IL17RA: variants seen among roughly 807,000 people sequenced by gnomAD.
IL17RA encodes the protein interleukin 17 receptor A.
IL17RA carries 34 observed loss-of-function variants against 50.4 expected under a neutral mutation model. The observed-to-expected ratio is 0.67, with a 90% CI of 0.51 to 0.90. The LOEUF (loss-of-function observed/expected upper bound fraction) is 0.90. Among genes scored for constraint, IL17RA ranks in the 40% least tolerant of loss-of-function variants. The pLI is 0.00. For synonymous variants in IL17RA, 585 were observed against 510.4 expected, an observed-to-expected ratio of 1.15 and a Z score of -1.97; for missense variants, 1,276 against 1,169.8, an observed-to-expected ratio of 1.09 and a Z score of -1.32.
chr22:17,097,172 T>C, intron 2 of IL17RA, 86 bp downstream of exon 2: 1 of 1,312,758 alleles, frequency 7.6e-7, no homozygotes, highest in Non-Finnish European at 1.1e-6. Context: ...AGTCTTGCCA[T>C]GCCACTCCAG....
Position 17,113,686 on chromosome 22 carries a change from G to A in IL17RA, c.*3866G>A, listed in dbSNP as rs2061454991. The A allele has an allele frequency of 1.3e-5, 2 of 152,364 alleles. No homozygotes were observed. Among genetic ancestry groups the A allele is most frequent in the African/African-American group, 2.4e-5 (1 of 41,576 alleles). The allele number at this position is 152,364 out of a possible 1,614,324, so 9.4% of individuals were successfully genotyped here. On this transcript the variant is annotated 3_prime_UTR_variant, in exon 13 of 13. Transcript: ENST00000319363. ...GCCAGCTGGGACTCCAGCAAGGCCC[G>A]GGGCACCTGAGGACAGAGTGAGATG...
At position 17,107,757 on chromosome 22, in the gene IL17RA, C is replaced by G. The variant is rs745404600; in HGVS notation, c.1076C>G (p.Thr359Ser). Residue 359 changes from threonine to serine, a missense_variant, in exon 12 of 13, where the codon ACC (threonine) becomes AGC (serine). By Grantham distance (58) the Thr-to-Ser change is moderately conservative. Transcript: ENST00000319363. Reference sequence around the variant, plus strand: ...GGAAGTGAAAAATACAGTGATGACACCAAATACACCGGTCAGTATTTCCTG... The same window carrying G: ...GGAAGTGAAAAATACAGTGATGACAGCAAATACACCGGTCAGTATTTCCTG... ...GPGSEKYSDD[T>S]KYTDGLPAAD... The G allele has an allele frequency of 3.7e-6, 6 of 1,613,552 alleles. No individual in the cohort carries two copies. The highest frequency in any genetic ancestry group is 5.1e-6 in the Non-Finnish European group (6 of 1,179,552).
rs2061448523 is a variant in IL17RA, at chr22:17,112,703, G to A, written c.*2883G>A. 5 of 152,186 alleles carry A rather than the reference G, an allele frequency of 3.3e-5. No individual in the cohort carries two copies. Among genetic ancestry groups the A allele is most frequent in the Admixed American group, 3.3e-4 (5 of 15,272 alleles). 9.4% of individuals were successfully genotyped at this position (152,186 alleles called of 1,614,324 possible). A position where few individuals can be genotyped will look rare whatever the true frequency, so the allele number is the denominator to read the frequency against. On this transcript the variant is annotated 3_prime_UTR_variant, in exon 13 of 13. Coordinates refer to ENST00000319363, the MANE Select transcript of IL17RA (RefSeq NM_014339.7). ...CCGCTGAATGCCAAGAGCTTCAAGA[G>A]TGTGTGTAAATAAAGCCACACCTTT...
Position 17,099,806 on chromosome 22 carries a change from A to G in IL17RA, c.424-549A>G, listed in dbSNP as rs147445523. Among the ~76,000 whole-genome samples the G allele has an allele frequency of 9.2e-5, 14 of 152,338 alleles. No individual in the cohort carries two copies. The East Asian group carries it at 2.1e-3, about 23-fold the overall frequency. On this transcript the variant is annotated intron_variant, in intron 4 of 12. Coordinates refer to ENST00000319363, the MANE Select transcript of IL17RA (RefSeq NM_014339.7). ...ATGTCTGTAATCTCTAACACCCAGA[A>G]AATAACTTAGCACAAATTCAAATAT...
At position 17,096,679 on chromosome 22, in the gene IL17RA, G is replaced by T. The variant is rs41500445; in HGVS notation, c.139-383G>T. On this transcript the variant is annotated intron_variant, in intron 1 of 12. Transcript: ENST00000319363. ...AGGTCAGGAGATCGAGATCATCCTG[G>T]CTAACACAGTGAAATCCCGTCTCTA... 9.6e-3 allele frequency among the ~76,000 whole-genome samples: 1,461 copies of T among 152,008 alleles called. 25 individuals are homozygous for T. Among genetic ancestry groups the T allele is most frequent in the African/African-American group, 0.034 (1,412 of 41,424 alleles).
chr22:17,094,691 C>CTCTCTCTCTCTATA (rs1448096911), intron 1 of IL17RA, among the ~76,000 whole-genome samples: 13 of 24,684 alleles, frequency 5.3e-4, no homozygotes, highest in African/African-American at 1.1e-3. Flanking sequence ...CTCTCTCTCT[C>CTCTCTCTCTCTATA]TATATATATA....
Position 17,113,106 on chromosome 22 carries a change from G to A in IL17RA, c.*3286G>A, listed in dbSNP as rs2061451526. The A allele has an allele frequency of 6.6e-6, 1 of 151,936 alleles. No homozygotes were observed. The allele number at this position is 151,936 out of a possible 1,614,324, so 9.4% of individuals were successfully genotyped here. The stretch of plus-strand genomic sequence containing the variant: ...TAGGGTCTAAAAAGGGTGGTGTTCG[G>A]TCTCTGAAACATCCATTCAGCAGTT... On this transcript the variant is annotated 3_prime_UTR_variant, in exon 13 of 13. Coordinates refer to ENST00000319363, the MANE Select transcript of IL17RA (RefSeq NM_014339.7).
chr22:17,105,468 T>C, intron 9 of IL17RA, 123 bp from the exon 10 acceptor site: 1 of 940,952 alleles, frequency 1.1e-6, no homozygotes, highest in South Asian at 1.3e-5. Flanking sequence ...TCAACCTGGA[T>C]CTAGAGTGCC....
chr22:17,090,610 A>C (rs2123791299), intron 1 of IL17RA, among the ~76,000 whole-genome samples: 1 of 152,190 alleles, frequency 6.6e-6, no homozygotes, highest in East Asian at 1.9e-4. Flanking sequence ...AAACATGCTT[A>C]TAGTGTTAAT....
In IL17RA at chr22:17,101,665, C is replaced by T. The variant is rs2061391860; in HGVS notation, c.551-331C>T. On this transcript the variant is annotated intron_variant, in intron 5 of 12. Transcript: ENST00000319363. The stretch of plus-strand genomic sequence containing the variant: ...ATGGTGATTCACACCTGTCACATGT[C>T]TTCTCAGCCTGTGCAAAGACAGGGG... Among the ~76,000 whole-genome samples, 4 of 152,260 alleles carry T rather than the reference C, an allele frequency of 2.6e-5. No homozygotes were observed. The South Asian group carries it at 6.2e-4, about 24-fold the overall frequency.
intron 1 of IL17RA, among the ~76,000 whole-genome samples, chr22:17,087,181 C>T (rs2061331079): frequency 6.6e-6 from 1 of 152,210 alleles, no homozygotes; most frequent in Admixed American, 6.5e-5. Flanking sequence ...AAATTTCTGT[C>T]CCTCACTGGT....
At chr22:17,105,715 C>CGGT (rs1555874477) in intron 10 of IL17RA, 113 bp downstream of exon 10, 7 of 1,301,048 alleles carry the variant, frequency 5.4e-6, no homozygotes, top group Admixed American at 3.8e-5. Context: ...GAGGCCAGCC[C>CGGT]GGGGTGGGGG....
chr22:17,100,412 G>A lies in IL17RA; in HGVS notation c.481G>A (p.Val161Ile), dbSNP rs552176381. 3.4e-5 allele frequency: 55 copies of A among 1,613,922 alleles called. 2 individuals are homozygous for A. Among genetic ancestry groups the A allele is most frequent in the Non-Finnish European group, 4.2e-5 (50 of 1,179,968 alleles). ...CCCTGACCAGGAATATGAGGTGACC[G>A]TTCACCACCTGCCCAAGCCCATCCC... ...VDPDQEYEVTVHHLPKPIPDG... is the reference protein window; with the variant it reads ...VDPDQEYEVTIHHLPKPIPDG... Residue 161 changes from valine (V) to isoleucine (I), a missense_variant, in exon 5 of 13, where the codon GTT becomes ATT. Physicochemically the swap from Val to Ile is conservative, Grantham distance 29. Coordinates refer to ENST00000319363, the MANE Select transcript of IL17RA (RefSeq NM_014339.7).
At chr22:17,097,254 C>G in intron 2 of IL17RA, 168 bp downstream of exon 2, 1 of 694,446 alleles carries the variant, frequency 1.4e-6, no homozygotes, top group East Asian at 2.7e-5. Flanking sequence ...CCTGCGCTTC[C>G]TGTCGAGAAC....
At chr22:17,085,364 C>A in intron 1 of IL17RA, 135 bp downstream of exon 1, 2 of 1,426,012 alleles carry the variant, frequency 1.4e-6, no homozygotes, top group Non-Finnish European at 1.8e-6. Context: ...TAGAGGGGCT[C>A]AGAGCCTTGG....
chr22:17,097,321 G>A lies in IL17RA; in HGVS notation c.163+235G>A, dbSNP rs1306118117. ...CAGAACTGTCATTTGGATTGTGAAAGTATTCTCTGGGGAGCTGCCCTACTG... is the reference window on the plus strand; with the variant it reads ...CAGAACTGTCATTTGGATTGTGAAAATATTCTCTGGGGAGCTGCCCTACTG... On this transcript the variant is annotated intron_variant, in intron 2 of 12. Transcript: ENST00000319363. 5.1e-6 allele frequency: 3 copies of A among 590,954 alleles called. No individual in the cohort carries two copies. The East Asian group carries it at 8.8e-5, about 17-fold the overall frequency. The allele number at this position is 590,954 out of a possible 1,614,324, so 36.6% of individuals were successfully genotyped here.
In IL17RA at chr22:17,085,070, C is replaced by T; in HGVS notation, c.-22C>T. The T allele has an allele frequency of 1.5e-6, 2 of 1,296,964 alleles. No individual in the cohort carries two copies. The highest frequency in any genetic ancestry group is 2.0e-6 in the Non-Finnish European group (2 of 1,022,164). The allele number at this position is 1,296,964 out of a possible 1,614,324, so 80.3% of individuals were successfully genotyped here. On this transcript the variant is annotated 5_prime_UTR_variant, in exon 1 of 13. Transcript: ENST00000319363. ...GCTGCGTCCCCAGCCGGGGCCGAGC[C>T]CTCCGCGACGCCAGCCGGGCCATGG... is the stretch of plus-strand genomic sequence containing the variant.
At chr22:17,097,730 C>T (rs1055027140) in intron 2 of IL17RA, 67 bp from the exon 3 acceptor site, 10 of 1,597,242 alleles carry the variant, frequency 6.3e-6, no homozygotes, top group Admixed American at 5.0e-5. Context: ...GCTGTCTGTA[C>T]CTGCTGCTGG....
At chr22:17,100,260 T>G in intron 4 of IL17RA, 95 bp from the exon 5 acceptor site, 1 of 1,468,398 alleles carries the variant, frequency 6.8e-7, no homozygotes, top group Non-Finnish European at 9.5e-7. Context: ...TTTGGCTGAA[T>G]ATTCGGGAGT....
Sources: gnomAD v4.1 joint callset for allele counts (sites outside exome capture counted in the v4.1 genomes callset) on GRCh38, gnomAD v4.1.1 for gene constraint, MANE v1.5 for transcripts, NCBI Gene and HGNC (gene_info 2026-07-23, HGNC 2026-07-21) for gene names.